PDE4D: variants seen among roughly 807,000 people sequenced by gnomAD.
PDE4D encodes phosphodiesterase 4D, also known as 3',5'-cyclic-AMP phosphodiesterase 4D.
Under a neutral mutation model 87.4 loss-of-function variants are expected in PDE4D, and 24 were observed. The ratio of observed to expected loss-of-function variants is 0.27; its 90% CI spans 0.20 to 0.39. The LOEUF (loss-of-function observed/expected upper bound fraction) is 0.39, where lower values mean the gene tolerates loss of function less well. PDE4D is among the 10% of genes least tolerant of loss of function. The pLI is 1.00. For synonymous variants in PDE4D, 384 were observed against 383.2 expected, an observed-to-expected ratio of 1.00 and a Z score of -0.02; for missense variants, 714 against 1,041.0, an observed-to-expected ratio of 0.69 and a Z score of 4.32.
At chr5:59,877,085 C>A (rs17313485) in intron 1 of PDE4D, among the ~76,000 whole-genome samples, 8,497 of 152,156 alleles carry the variant, frequency 0.056, 304 homozygotes, top group African/African-American at 0.098. Context: ...AAACACAATA[C>A]CTTGATTCTA....
At position 59,243,448 on chromosome 5, in the gene PDE4D, CTTTTTTTTTTTT is replaced by C. The variant is rs767287011; in HGVS notation, c.456-27492_456-27481del. Among the ~76,000 whole-genome samples, 4 of 72,304 alleles carry C rather than the reference CTTTTTTTTTTTT, an allele frequency of 5.5e-5. No individual in the cohort carries two copies. The Admixed American group carries it at 6.0e-4, about 11-fold the overall frequency. The allele number at this position is 72,304 out of a possible 152,430, so 47.4% of individuals were successfully genotyped here. A position where few individuals can be genotyped will look rare whatever the true frequency, so the allele number is the denominator to read the frequency against. Reference sequence around the variant, plus strand: ...TCACTATACAATTTCTTAAAATAACCTTTTTTTTTTTTTTTTTTTTTTTTTTTTGAGACGGAG... The same window carrying C: ...TCACTATACAATTTCTTAAAATAACCTTTTTTTTTTTTTTTTGAGACGGAG... On this transcript the variant is annotated intron_variant, in intron 1 of 14. Coordinates refer to ENST00000340635, the MANE Select transcript of PDE4D (RefSeq NM_001104631.2).
intron 1 of PDE4D, among the ~76,000 whole-genome samples, chr5:59,318,194 T>A (rs1042541912): frequency 3.3e-5 from 5 of 152,188 alleles, no homozygotes; most frequent in Admixed American, 1.3e-4. Context: ...ACTGGAGGCA[T>A]TTTTATAAAT....
intron 1 of PDE4D, among the ~76,000 whole-genome samples, chr5:59,393,512 G>A (rs925454775): frequency 1.3e-5 from 2 of 152,158 alleles, no homozygotes; most frequent in Admixed American, 6.5e-5. Context: ...GAATCTGGCT[G>A]CTTCCACACT....
rs1561637332 is a variant in PDE4D, at chr5:59,771,479, A to AG, written c.455+121688_455+121689insC. On this transcript the variant is annotated intron_variant, in intron 1 of 14. Coordinates refer to ENST00000340635, the MANE Select transcript of PDE4D (RefSeq NM_001104631.2). ...AAAGAAAGAAAGAAAGAAAGAAAGA[A>AG]AGAAAGAGAGAGAGAGAGAGAAGAA... Among the ~76,000 whole-genome samples, 101 of 68,446 alleles carry AG rather than the reference A, an allele frequency of 1.5e-3. 6 individuals carry two copies. The highest frequency in any genetic ancestry group is 2.4e-3 in the Non-Finnish European group (77 of 32,262). 44.9% of individuals were successfully genotyped at this position (68,446 alleles called of 152,430 possible). A position where few individuals can be genotyped will look rare whatever the true frequency, so the allele number is the denominator to read the frequency against.
chr5:59,622,005 A>T (rs1830403355), intron 1 of PDE4D, among the ~76,000 whole-genome samples: 1 of 152,170 alleles, frequency 6.6e-6, no homozygotes, highest in Admixed American at 6.5e-5. Flanking sequence ...TGATCTTTAA[A>T]AGAGTTACAA....
At chr5:59,039,798 CG>C (rs911506487) in intron 5 of PDE4D, 3 of 152,688 alleles carry the variant, frequency 2.0e-5, no homozygotes, top group African/African-American at 7.2e-5. Context: ...CGAGGAGGCG[CG>C]GGCGCGAGCG....
intron 3 of PDE4D, among the ~76,000 whole-genome samples, chr5:59,934,608 A>G (rs1204138401): frequency 1.3e-5 from 2 of 152,252 alleles, no homozygotes; most frequent in African/African-American, 4.8e-5. Flanking sequence ...TAGATCTATA[A>G]TATATAGTGC....
intron 1 of PDE4D, among the ~76,000 whole-genome samples, chr5:60,227,299 T>C (rs1020219782): frequency 1.3e-5 from 2 of 151,978 alleles, no homozygotes; most frequent in Admixed American, 6.6e-5. Flanking sequence ...CCTTTCCCTT[T>C]CAGTTGTGCA....
At chr5:59,896,847 C>G (rs1045434765), upstream of PDE4D, among the ~76,000 whole-genome samples, 1 of 152,148 alleles carries the variant, frequency 6.6e-6, no homozygotes, top group African/African-American at 2.4e-5. Flanking sequence ...TTGAGCACTC[C>G]CAGCCTTCCA....
At chr5:59,092,669 T>C (rs1190393516) in intron 5 of PDE4D, among the ~76,000 whole-genome samples, 2 of 152,188 alleles carry the variant, frequency 1.3e-5, no homozygotes, top group South Asian at 2.1e-4. Flanking sequence ...GAATACCACC[T>C]CTACCATTTA....
intron 1 of PDE4D, among the ~76,000 whole-genome samples, chr5:59,495,527 C>T (rs1807016791): frequency 6.6e-6 from 1 of 152,148 alleles, no homozygotes; most frequent in South Asian, 2.1e-4. Flanking sequence ...GGCTCCCCAA[C>T]AGAGAAACGC....
chr5:59,430,560 A>C (rs937585324), intron 1 of PDE4D: 5 of 519,864 alleles, frequency 9.6e-6, no homozygotes, highest in Admixed American at 8.9e-5. Flanking sequence ...TTCAAAAGTA[A>C]ACGCGTGTTT....
intron 1 of PDE4D, among the ~76,000 whole-genome samples, chr5:59,856,301 T>A (rs1301333491): frequency 3.3e-5 from 5 of 152,058 alleles, no homozygotes; most frequent in Non-Finnish European, 7.4e-5. Context: ...ATGTTCATAC[T>A]TACAATACAG....
At chr5:60,371,730 G>A (rs868437243) in intron 1 of PDE4D, among the ~76,000 whole-genome samples, 1 of 152,116 alleles carries the variant, frequency 6.6e-6, no homozygotes, top group African/African-American at 2.4e-5. Flanking sequence ...CCAGAGCTCT[G>A]ATTCTAAGCT....
At chr5:60,493,928 G>A (rs139844909) in intron 1 of PDE4D, among the ~76,000 whole-genome samples, 3 of 151,956 alleles carry the variant, frequency 2.0e-5, no homozygotes, top group Non-Finnish European at 2.9e-5. Context: ...GAGGACAAAC[G>A]AACATTGGAA....
At chr5:60,174,660 T>C (rs1053346679) in intron 2 of PDE4D, among the ~76,000 whole-genome samples, 9 of 152,280 alleles carry the variant, frequency 5.9e-5, no homozygotes, top group African/African-American at 2.2e-4. Flanking sequence ...CTGTTTTAAC[T>C]GTATTATTAT....
chr5:60,148,730 G>C (rs1411570469), intron 2 of PDE4D, among the ~76,000 whole-genome samples: 1 of 152,200 alleles, frequency 6.6e-6, no homozygotes, highest in African/African-American at 2.4e-5. Flanking sequence ...GGAACTTATA[G>C]TAGGACATAC....
At chr5:60,291,929 T>C (rs1409772239) in intron 1 of PDE4D, among the ~76,000 whole-genome samples, 1 of 152,164 alleles carries the variant, frequency 6.6e-6, no homozygotes, top group African/African-American at 2.4e-5. Context: ...AAAAGAATGG[T>C]TAAGTAAATT....
chr5:59,518,329 G>T (rs890005782), intron 1 of PDE4D, among the ~76,000 whole-genome samples: 1 of 151,720 alleles, frequency 6.6e-6, no homozygotes, highest in Non-Finnish European at 1.5e-5. Flanking sequence ...AATAAAGCAC[G>T]CTCGAGTATT....
Sources: gnomAD v4.1 joint callset for allele counts (sites outside exome capture counted in the v4.1 genomes callset) on GRCh38, gnomAD v4.1.1 for gene constraint, MANE v1.5 for transcripts, NCBI Gene and HGNC (gene_info 2026-07-23, HGNC 2026-07-21) for gene names.